Variants in VWDE observed in about 807,000 individuals in gnomAD.
The protein encoded by VWDE is von Willebrand factor D and EGF domains, also known as von Willebrand factor D and EGF domain-containing protein.
In VWDE, 207 loss-of-function variants were observed where a neutral mutation model predicts 178.4. The observed-to-expected ratio is 1.16, with a 90% confidence interval of 1.04 to 1.30. VWDE has a LOEUF of 1.30. Among genes scored for constraint, VWDE ranks in the 50% most tolerant of loss-of-function variants. The pLI, the probability that VWDE is intolerant of heterozygous loss-of-function variation, is 0.00. For synonymous variants in VWDE, 738 were observed against 651.4 expected, an observed-to-expected ratio of 1.13 and a Z score of -2.02; for missense variants, 2,287 against 1,901.3, an observed-to-expected ratio of 1.20 and a Z score of -3.77.
At chr7:12,337,931 T>C (rs1781128106) in intron 24 of VWDE, among the ~76,000 whole-genome samples, 1 of 152,186 alleles carries the variant, frequency 6.6e-6, no homozygotes, top group African/African-American at 2.4e-5. Context: ...TTCATGTTTC[T>C]TCCATATATG....
At position 12,380,729 on chromosome 7, in the gene VWDE, C is replaced by G; in HGVS notation, c.546G>C (p.Gln182His). The stretch of plus-strand genomic sequence containing the variant: ...GTGGAGGTGGCAATGAGGCAGCCAG[C>G]TGACCTGGGGAGAAAATGCATAATT... Reference protein sequence around the residue: ...ETETGGDCVRQLAASLPPPPA... With the variant: ...ETETGGDCVRHLAASLPPPPA... Residue 182 changes from glutamine to histidine, a missense_variant, in exon 5 of 29, where the codon CAG (glutamine) becomes CAC (histidine). Gln to His is a conservative substitution (Grantham distance 24, BLOSUM62 0). Transcript: ENST00000275358. The G allele has an allele frequency of 6.4e-7, 1 of 1,551,520 alleles. No individual in the cohort carries two copies. Among genetic ancestry groups the G allele is most frequent in the Non-Finnish European group, 8.7e-7 (1 of 1,146,870 alleles).
intron 19 of VWDE, among the ~76,000 whole-genome samples, chr7:12,346,560 C>T (rs954021493): frequency 2.6e-5 from 4 of 151,674 alleles, no homozygotes; most frequent in African/African-American, 9.7e-5. Context: ...ATTTTATGTC[C>T]CCATCTTTCT....
At position 12,370,288 on chromosome 7, in the gene VWDE, T is replaced by A; in HGVS notation, c.2018A>T (p.Asn673Ile). 1 of 1,551,272 alleles carries A rather than the reference T, an allele frequency of 6.4e-7. No homozygotes were observed. Among genetic ancestry groups the A allele is most frequent in the South Asian group, 1.2e-5 (1 of 84,060 alleles). ...PELDVTSEYI[N>I]SDTLVREINK... ...TATCTCTCTGACAAGAGTGTCTGAA[T>A]TAATATATTCGGAGGTGACATCTAG... Residue 673 changes from asparagine (N) to isoleucine (I), a missense_variant, in exon 12 of 29, where the codon AAT (asparagine) becomes ATT (isoleucine). By Grantham distance (149) the Asn-to-Ile change is moderately radical. Transcript: ENST00000275358.
intron 27 of VWDE, among the ~76,000 whole-genome samples, chr7:12,334,553 T>C (rs754554738): frequency 2.0e-5 from 3 of 152,238 alleles, no homozygotes; most frequent in Non-Finnish European, 4.4e-5. Flanking sequence ...ATATCATAGA[T>C]TTGAATTTTT....
rs1172307807 is a variant in VWDE at position 12,375,081 on chromosome 7, A to G, written c.1171T>C (p.Ser391Pro). 1.9e-6 allele frequency: 3 copies of G among 1,551,208 alleles called. No homozygotes were observed. The highest frequency in any genetic ancestry group is 2.6e-6 in the Non-Finnish European group (3 of 1,146,718). ...TDFSRDGDRVSNIVVQPIVNE... is the reference protein window; with the variant it reads ...TDFSRDGDRVPNIVVQPIVNE... Reference sequence around the variant, plus strand: ...ACTATTGGTTGCACTACAATGTTTGAGACTCTATCTCCATCTCGAGAAAAA... The same window carrying G: ...ACTATTGGTTGCACTACAATGTTTGGGACTCTATCTCCATCTCGAGAAAAA... The change falls in exon 8 of 29, where the codon TCA (serine) becomes CCA (proline). Residue 391 changes from serine to proline, a missense_variant. Ser to Pro is a moderately conservative substitution (Grantham distance 74, BLOSUM62 -1). Coordinates refer to ENST00000275358, the MANE Select transcript of VWDE (RefSeq NM_001135924.3).
chr7:12,375,659 C>A (rs930452123), intron 7 of VWDE, among the ~76,000 whole-genome samples: 1 of 151,892 alleles, frequency 6.6e-6, no homozygotes, highest in Non-Finnish European at 1.5e-5. Context: ...GTTCATGTTC[C>A]ATCCATTGTT....
At chr7:12,365,473 C>G (rs1782807597) in intron 13 of VWDE, among the ~76,000 whole-genome samples, 1 of 152,008 alleles carries the variant, frequency 6.6e-6, no homozygotes, top group African/African-American at 2.4e-5. Flanking sequence ...TTTGCATGAC[C>G]TGATTTCCAA....
chr7:12,355,369 C>T (rs932060501), intron 18 of VWDE, among the ~76,000 whole-genome samples: 2 of 149,504 alleles, frequency 1.3e-5, no homozygotes, highest in Non-Finnish European at 3.0e-5. Context: ...TGAGCTGAGA[C>T]GGCGCCACTG....
intron 19 of VWDE, 76 bp downstream of exon 19, chr7:12,351,497 A>G (rs1781938633): frequency 7.1e-7 from 1 of 1,408,166 alleles, no homozygotes; most frequent in African/African-American, 1.5e-5. Context: ...TACCTGAGGA[A>G]TAAATATGTT....
intron 9 of VWDE, among the ~76,000 whole-genome samples, chr7:12,374,253 GT>G (rs1235963795): frequency 1.3e-5 from 2 of 152,000 alleles, no homozygotes; most frequent in South Asian, 2.1e-4. Context: ...AGTTATAATA[GT>G]TTTTTTCCTG....
At chr7:12,355,150 G>T (rs1020532106) in intron 18 of VWDE, among the ~76,000 whole-genome samples, 1 of 151,990 alleles carries the variant, frequency 6.6e-6, no homozygotes, top group African/African-American at 2.4e-5. Context: ...TGCTGAAGAG[G>T]TCAGACCTGT....
intron 3 of VWDE, among the ~76,000 whole-genome samples, chr7:12,386,435 T>C (rs77776991): frequency 0.013 from 1,975 of 152,260 alleles, 37 homozygotes; most frequent in African/African-American, 0.044. Flanking sequence ...TAATTCTCCA[T>C]AGACTTCTCA....
rs111358291 is a variant in VWDE, at chr7:12,342,095, AC to A, written c.4233del (p.Gln1411HisfsTer59). The A allele has an allele frequency of 3.5e-3, 5,387 of 1,551,460 alleles. 160 individuals carry two copies. In the African/African-American group the frequency reaches 0.065, roughly 19 times the overall value. ...GGQCLTPDICQCKPGWYGPTC... is the reference protein window; with the variant it reads ...GGQCLTPDICXCKPGWYGPTC... ...GTGGGTCCATACCAGCCAGGTTTGC[AC>A]TGGCAAATATCTGGTGTAAGACACT... On this transcript the variant is annotated frameshift_variant, in exon 23 of 29. Coordinates refer to ENST00000275358, the MANE Select transcript of VWDE (RefSeq NM_001135924.3). LOFTEE classifies it high-confidence loss of function.
rs79222040 is a variant in VWDE at position 12,336,140 on chromosome 7, C to T, written c.4654+1G>A. On this transcript the variant is annotated splice_donor_variant, in intron 27 of 28. Transcript: ENST00000275358. LOFTEE classifies it high-confidence loss of function. ...GTAGGAAAAACATCCTGTGGGCTTA[C>T]GTATTTGACACCGCACTCCTTCCCA... 5,562 of 1,549,232 alleles carry T rather than the reference C, an allele frequency of 3.6e-3. 161 individuals are homozygous for T. In the African/African-American group the frequency reaches 0.065, roughly 18 times the overall value.
chr7:12,374,685 T>C lies in VWDE; in HGVS notation c.1316+4A>G. On this transcript the variant is annotated splice_donor_region_variant and intron_variant, in intron 9 of 28. Transcript: ENST00000275358. ...ACTAAAAGAAGAAACTTTCAGAAAA[T>C]TACCTGCCATCAAATGTAATTATAT... The C allele has an allele frequency of 6.6e-7, 1 of 1,526,608 alleles. No homozygotes were observed. The highest frequency in any genetic ancestry group is 8.8e-7 in the Non-Finnish European group (1 of 1,133,734). 94.6% of individuals were successfully genotyped at this position (1,526,608 alleles called of 1,614,324 possible). A position where few individuals can be genotyped will look rare whatever the true frequency, so the allele number is the denominator to read the frequency against.
At chr7:12,338,902 A>G (rs923747157) in intron 24 of VWDE, among the ~76,000 whole-genome samples, 11 of 152,148 alleles carry the variant, frequency 7.2e-5, no homozygotes, top group Non-Finnish European at 1.3e-4. Context: ...TCTATAGTGC[A>G]CATAGTATAT....
At chr7:12,357,619 C>A in intron 16 of VWDE, 104 bp from the exon 17 acceptor site, 1 of 1,298,242 alleles carries the variant, frequency 7.7e-7, no homozygotes. Flanking sequence ...AGACTGAACT[C>A]TGCTAAAAGG....
intron 2 of VWDE, among the ~76,000 whole-genome samples, chr7:12,390,246 T>C (rs1157878451): frequency 6.6e-6 from 1 of 150,902 alleles, no homozygotes; most frequent in Non-Finnish European, 1.5e-5. Context: ...AAAAATAGAA[T>C]TAAATAGAAA....
chr7:12,355,828 C>T (rs1782213404), intron 18 of VWDE, among the ~76,000 whole-genome samples: 1 of 152,012 alleles, frequency 6.6e-6, no homozygotes, highest in Non-Finnish European at 1.5e-5. Flanking sequence ...CATTTTAATA[C>T]ACTTCTCCCT....
Sources: gnomAD v4.1 joint callset for allele counts (sites outside exome capture counted in the v4.1 genomes callset) on GRCh38, gnomAD v4.1.1 for gene constraint, MANE v1.5 for transcripts, NCBI Gene and HGNC (gene_info 2026-07-23, HGNC 2026-07-21) for gene names.